Variants in MLLT3 observed in about 807,000 individuals in gnomAD.
MLLT3 encodes protein AF-9.
A neutral mutation model predicts 53.2 loss-of-function variants in MLLT3; 4 were observed. The observed-to-expected ratio is 0.08, with a 90% confidence interval of 0.04 to 0.17. The LOEUF (loss-of-function observed/expected upper bound fraction) is 0.17. Ranked by LOEUF, MLLT3 falls within the 10% of genes least tolerant of loss-of-function variation. The probability of loss-of-function intolerance (pLI) is 1.00; values close to 1 mark genes in which losing one functional copy is unlikely to be tolerated. For synonymous variants in MLLT3, 283 were observed against 230.6 expected (o/e 1.23, Z -2.06); for missense variants, 569 against 684.0 (o/e 0.83, Z 1.87).
chr9:20,415,700 G>C (rs918168461), intron 4 of MLLT3, among the ~76,000 whole-genome samples: 12 of 152,050 alleles, frequency 7.9e-5, no homozygotes, highest in African/African-American at 2.9e-4. Context: ...CATGACACAG[G>C]ACAGTAAGCA....
At chr9:20,458,559 T>A (rs371606791) in intron 2 of MLLT3, among the ~76,000 whole-genome samples, 6 of 152,090 alleles carry the variant, frequency 3.9e-5, no homozygotes, top group African/African-American at 1.4e-4. Context: ...GGTGATTAGG[T>A]CATGAAGGTG....
At chr9:20,542,199 G>T (rs997220560) in intron 2 of MLLT3, among the ~76,000 whole-genome samples, 9 of 151,088 alleles carry the variant, frequency 6.0e-5, no homozygotes, top group Admixed American at 1.3e-4. Flanking sequence ...TCCCATCACA[G>T]CTCTTCTGTA....
At chr9:20,413,495 C>T (rs1204847565) in intron 5 of MLLT3, among the ~76,000 whole-genome samples, 1 of 152,190 alleles carries the variant, frequency 6.6e-6, no homozygotes, top group Non-Finnish European at 1.5e-5. Flanking sequence ...ATGGAAATAT[C>T]TTTCCTTTAA....
intron 2 of MLLT3, among the ~76,000 whole-genome samples, chr9:20,482,653 C>T (rs763713179): frequency 9.2e-5 from 14 of 152,096 alleles, no homozygotes; most frequent in Non-Finnish European, 1.8e-4. Context: ...AATAGATTAT[C>T]ATAAAAATAC....
intron 2 of MLLT3, among the ~76,000 whole-genome samples, chr9:20,498,996 T>C (rs987528913): frequency 2.0e-5 from 3 of 152,222 alleles, no homozygotes; most frequent in African/African-American, 7.2e-5. Flanking sequence ...AAAGTGTCAG[T>C]AGGGCCATAT....
intron 2 of MLLT3, among the ~76,000 whole-genome samples, chr9:20,492,007 T>C (rs1403873600): frequency 6.6e-6 from 1 of 152,108 alleles, no homozygotes; most frequent in Non-Finnish European, 1.5e-5. Flanking sequence ...GTACAGATAC[T>C]GTACTCATGT....
chr9:20,410,453 G>C (rs1327214048), intron 5 of MLLT3: 1 of 152,064 alleles, frequency 6.6e-6, no homozygotes, highest in African/African-American at 2.4e-5. Context: ...AGGAAACTAA[G>C]AAACAGAGAA....
intron 2 of MLLT3, among the ~76,000 whole-genome samples, chr9:20,511,110 T>C (rs1361218721): frequency 6.6e-6 from 1 of 152,116 alleles, no homozygotes; most frequent in African/African-American, 2.4e-5. Flanking sequence ...ATTATAAAAT[T>C]TAAAACAAAT....
At chr9:20,404,661 C>T (rs894558622) in intron 5 of MLLT3, among the ~76,000 whole-genome samples, 6 of 152,234 alleles carry the variant, frequency 3.9e-5, no homozygotes, top group East Asian at 1.9e-4. Context: ...TGCACTACCA[C>T]GCCCAGATAA....
intron 2 of MLLT3, among the ~76,000 whole-genome samples, chr9:20,547,929 A>G (rs1272487037): frequency 1.3e-5 from 2 of 152,342 alleles, no homozygotes; most frequent in Admixed American, 6.5e-5. Flanking sequence ...TCCCATCTGG[A>G]CAACGCAGCA....
At position 20,589,028 on chromosome 9, in the gene MLLT3, G is replaced by A. The variant is rs1413300943; in HGVS notation, c.193+31626C>T. Among the ~76,000 whole-genome samples the A allele has an allele frequency of 5.9e-5, 9 of 151,272 alleles. 1 individual carries two copies. Among genetic ancestry groups the A allele is most frequent in the South Asian group, 2.1e-4 (1 of 4,712 alleles). ...CAACCATTGTGGAAGACAGTGTGGC[G>A]ATTCCTCAGGGATCTAGAACTAGAA... On this transcript the variant is annotated intron_variant, in intron 2 of 10. Coordinates refer to ENST00000380338, the MANE Select transcript of MLLT3 (RefSeq NM_004529.4).
chr9:20,492,714 ATATC>A (rs767938071), intron 2 of MLLT3, among the ~76,000 whole-genome samples: 2 of 152,018 alleles, frequency 1.3e-5, no homozygotes, highest in East Asian at 3.8e-4. Context: ...TCTAAACTAA[ATATC>A]TAAGCAAAAG....
intron 4 of MLLT3, among the ~76,000 whole-genome samples, chr9:20,421,917 G>T (rs959626221): frequency 6.6e-6 from 1 of 151,818 alleles, no homozygotes; most frequent in South Asian, 2.1e-4. Flanking sequence ...TTTTTAGCAA[G>T]ATATGAGTTC....
chr9:20,456,588 A>G, intron 3 of MLLT3, 116 bp downstream of exon 3: 2 of 727,530 alleles, frequency 2.7e-6, no homozygotes, highest in Non-Finnish European at 4.6e-6. Flanking sequence ...GACAAATTTA[A>G]CTTTTATTTT....
intron 5 of MLLT3, among the ~76,000 whole-genome samples, chr9:20,377,644 C>G (rs888661940): frequency 2.6e-5 from 4 of 152,074 alleles, no homozygotes; most frequent in African/African-American, 9.7e-5. Context: ...CCAATATAAT[C>G]TTTACAGATT....
chr9:20,613,360 CATT>C (rs1444497660), intron 2 of MLLT3, among the ~76,000 whole-genome samples: 1 of 152,124 alleles, frequency 6.6e-6, no homozygotes, highest in Non-Finnish European at 1.5e-5. Context: ...AGACACAATA[CATT>C]ATTATTTGTA....
chr9:20,418,920 A>G (rs1026137293), intron 4 of MLLT3, among the ~76,000 whole-genome samples: 2 of 152,200 alleles, frequency 1.3e-5, no homozygotes, highest in East Asian at 1.9e-4. Flanking sequence ...CTCTAGGTGT[A>G]TAAACAAGAA....
Position 20,515,295 on chromosome 9 carries a change from C to T in MLLT3, c.194-58509G>A, listed in dbSNP as rs900827534. Among the ~76,000 whole-genome samples the T allele has an allele frequency of 1.2e-4, 18 of 152,218 alleles. No homozygotes were observed. In the South Asian group the frequency reaches 2.3e-3, roughly 19 times the overall value. ...CTCCAATTGTTTATAATAAATGTAA[C>T]GATGTCACTACTTGTAGGCCAGGGC... On this transcript the variant is annotated intron_variant, in intron 2 of 10. Transcript: ENST00000380338.
chr9:20,505,124 G>A (rs1027623534), intron 2 of MLLT3, among the ~76,000 whole-genome samples: 1 of 152,154 alleles, frequency 6.6e-6, no homozygotes, highest in Non-Finnish European at 1.5e-5. Context: ...GGTGTTGGTG[G>A]TAATCAAAGC....
Sources: gnomAD v4.1 joint callset for allele counts (sites outside exome capture counted in the v4.1 genomes callset) on GRCh38, gnomAD v4.1.1 for gene constraint, MANE v1.5 for transcripts, NCBI Gene and HGNC (gene_info 2026-07-23, HGNC 2026-07-21) for gene names.